NRG4: variants seen among roughly 807,000 people sequenced by gnomAD.
NRG4 encodes the protein neuregulin 4.
In NRG4, 10 loss-of-function variants were observed where a neutral mutation model predicts 15.0. The observed-to-expected ratio is 0.67, with a 90% CI of 0.41 to 1.13. NRG4 has a LOEUF of 1.13. Among genes scored for constraint, NRG4 ranks in the 50% most tolerant of loss-of-function variants. The pLI is 0.00. For missense variants in NRG4, 139 were observed against 140.2 expected (o/e 0.99, Z 0.04); for synonymous variants, 41 against 50.1 (o/e 0.82, Z 0.77).
chr15:75,996,653 T>C (rs1003272387), intron 3 of NRG4, among the ~76,000 whole-genome samples: 1 of 152,192 alleles, frequency 6.6e-6, no homozygotes, highest in African/African-American at 2.4e-5. Flanking sequence ...TTATAGCAAC[T>C]AGTGACTTGC....
chr15:76,045,715 G>A (rs1274742750), intron 4 of NRG4, among the ~76,000 whole-genome samples: 1 of 150,754 alleles, frequency 6.6e-6, no homozygotes, highest in Non-Finnish European at 1.5e-5. Flanking sequence ...ATTTGTGGGA[G>A]CTAAAAATTA....
At chr15:75,946,676 C>A (rs1009605040) in intron 5 of NRG4, among the ~76,000 whole-genome samples, 12 of 152,142 alleles carry the variant, frequency 7.9e-5, no homozygotes, top group African/African-American at 2.9e-4. Flanking sequence ...ACTTTTTCAT[C>A]ATCGTAAACT....
At chr15:76,039,625 CA>C (rs1448930328) in intron 4 of NRG4, among the ~76,000 whole-genome samples, 1 of 152,092 alleles carries the variant, frequency 6.6e-6, no homozygotes, top group East Asian at 1.9e-4. Flanking sequence ...AAAATAGCCT[CA>C]AAAGGGCAAA....
intron 4 of NRG4, among the ~76,000 whole-genome samples, chr15:76,037,573 T>C (rs1459665759): frequency 6.6e-6 from 1 of 152,108 alleles, no homozygotes; most frequent in Non-Finnish European, 1.5e-5. Context: ...GCTTCCTCAT[T>C]GTGGGCTGAA....
Position 76,036,893 on chromosome 15 carries a change from T to C in NRG4, c.-104-902A>G, listed in dbSNP as rs149609511. Among the ~76,000 whole-genome samples the C allele has an allele frequency of 1.8e-4, 28 of 152,048 alleles. No homozygotes were observed. The East Asian group carries it at 2.9e-3, about 16-fold the overall frequency. ...TACTGGAAGTCCTGGCTGGAGCAATTAGACAGGAAAAAGAAATAAAGAGAA... is the reference window on the plus strand; with the variant it reads ...TACTGGAAGTCCTGGCTGGAGCAATCAGACAGGAAAAAGAAATAAAGAGAA... On this transcript the variant is annotated intron_variant, in intron 4 of 8. Transcript: ENST00000563910.
chr15:75,975,756 C>T (rs952693539), intron 3 of NRG4, among the ~76,000 whole-genome samples: 3 of 152,076 alleles, frequency 2.0e-5, no homozygotes, highest in Admixed American at 1.3e-4. Flanking sequence ...GGGTAGGTAA[C>T]CCGACCTTTC....
chr15:76,019,784 T>A (rs1382889623), intron 5 of NRG4, among the ~76,000 whole-genome samples: 1 of 152,162 alleles, frequency 6.6e-6, no homozygotes, highest in Non-Finnish European at 1.5e-5. Flanking sequence ...GAGCTGTTCC[T>A]ATTCGGCCAT....
intron 3 of NRG4, among the ~76,000 whole-genome samples, chr15:75,998,911 A>G (rs1427863585): frequency 1.3e-5 from 2 of 152,180 alleles, no homozygotes; most frequent in East Asian, 1.9e-4. Flanking sequence ...GACTGATTCT[A>G]AAGTTCATAT....
rs527349511 is a variant in NRG4, at chr15:75,956,324, C to G, written c.252-313G>C. On this transcript the variant is annotated intron_variant, in intron 4 of 5. Coordinates refer to ENST00000394907, the MANE Select transcript of NRG4 (RefSeq NM_138573.4). ...TAAGACAACAGCAAACCTGTTGTAT[C>G]TTAATGTAATTTTTGTGCTCTTTTT... is the stretch of plus-strand genomic sequence containing the variant. Among the ~76,000 whole-genome samples the G allele has an allele frequency of 1.0e-3, 156 of 152,134 alleles. 1 individual carries two copies. Among genetic ancestry groups the G allele is most frequent in the Non-Finnish European group, 1.9e-3 (132 of 67,994 alleles).
At chr15:76,019,612 C>G (rs920657929) in intron 5 of NRG4, among the ~76,000 whole-genome samples, 1 of 152,230 alleles carries the variant, frequency 6.6e-6, no homozygotes, top group Admixed American at 6.5e-5. Flanking sequence ...TCCCCAATCC[C>G]TTGCACTTCC....
chr15:76,051,146 C>T (rs975721575), intron 4 of NRG4, among the ~76,000 whole-genome samples: 1 of 147,938 alleles, frequency 6.8e-6, no homozygotes, highest in African/African-American at 2.6e-5. Flanking sequence ...GCTGGGACTA[C>T]AGGCGCCCGC....
intron 2 of NRG4, 117 bp from the exon 3 acceptor site, chr15:76,009,410 AT>A (rs1414848057): frequency 5.6e-6 from 3 of 534,378 alleles, no homozygotes; most frequent in Admixed American, 3.6e-5. Context: ...AGAATGAAGA[AT>A]TTTTTTTCTC....
At chr15:76,008,437 C>T (rs2034688065) in intron 3 of NRG4, among the ~76,000 whole-genome samples, 1 of 152,186 alleles carries the variant, frequency 6.6e-6, no homozygotes, top group African/African-American at 2.4e-5. Context: ...CTATACTTCT[C>T]ATTTCAGTTA....
At chr15:75,995,785 G>A (rs1415866733) in intron 3 of NRG4, among the ~76,000 whole-genome samples, 1 of 152,206 alleles carries the variant, frequency 6.6e-6, no homozygotes, top group Non-Finnish European at 1.5e-5. Context: ...AGAAAGAGCT[G>A]TCAGTCTGAG....
chr15:76,034,897 A>G (rs1030810028), intron 5 of NRG4, among the ~76,000 whole-genome samples: 1 of 152,122 alleles, frequency 6.6e-6, no homozygotes, highest in Non-Finnish European at 1.5e-5. Flanking sequence ...ACCCCCTTCT[A>G]TAGGATCCTA....
At chr15:76,020,411 C>A (rs2035117676) in intron 5 of NRG4, among the ~76,000 whole-genome samples, 1 of 152,162 alleles carries the variant, frequency 6.6e-6, no homozygotes, top group Non-Finnish European at 1.5e-5. Context: ...TCAGTGAACA[C>A]ACAAATGATA....
chr15:75,959,176 C>T (rs549290053), intron 4 of NRG4: 47 of 382,284 alleles, frequency 1.2e-4, no homozygotes, highest in African/African-American at 6.5e-4. Context: ...TTTGTACAGA[C>T]GGGGTCTTGC....
intron 4 of NRG4, among the ~76,000 whole-genome samples, chr15:76,050,703 CA>C (rs1435121134): frequency 6.8e-6 from 1 of 147,720 alleles, no homozygotes; most frequent in South Asian, 2.1e-4. Flanking sequence ...CTTGGCCTCC[CA>C]AAGTGCTGGG....
chr15:75,965,018 G>A (rs576555378), intron 3 of NRG4, among the ~76,000 whole-genome samples: 1 of 152,268 alleles, frequency 6.6e-6, no homozygotes, highest in East Asian at 1.9e-4. Flanking sequence ...GAGGTCAGGA[G>A]ATCGAGACCA....
Sources: allele counts gnomAD v4.1 joint callset (sites outside exome capture counted in the v4.1 genomes callset), GRCh38; gene constraint gnomAD v4.1.1; transcripts MANE v1.5; gene names NCBI Gene and HGNC (gene_info 2026-07-23, HGNC 2026-07-21).